ZNF644: variants seen among roughly 807,000 people sequenced by gnomAD.
ZNF644 encodes the protein zinc finger protein 644, also known as zinc finger motif enhancer binding protein 2.
In ZNF644, 20 loss-of-function variants were observed where a neutral mutation model predicts 108.0. The observed-to-expected ratio is 0.19, with a 90% confidence interval of 0.13 to 0.27. ZNF644 has a LOEUF of 0.27. Among genes scored for constraint, ZNF644 ranks in the 10% least tolerant of loss-of-function variants. ZNF644 has a pLI of 1.00. For missense variants in ZNF644, 1,338 were observed against 1,548.9 expected, an observed-to-expected ratio of 0.86 and a Z score of 2.29; for synonymous variants, 542 against 539.1, an observed-to-expected ratio of 1.01 and a Z score of -0.08.
intron 2 of ZNF644, among the ~76,000 whole-genome samples, chr1:90,976,730 A>T (rs1656048450): frequency 6.6e-6 from 1 of 152,168 alleles, no homozygotes. Flanking sequence ...ACCAAGGGTG[A>T]GTTTTAAGAG....
rs368041942 is a variant in ZNF644 at position 91,015,810 on chromosome 1, G to C, written c.-18+6180C>G. 1.8e-4 allele frequency among the ~76,000 whole-genome samples: 28 copies of C among 152,208 alleles called. 1 individual carries two copies. Among genetic ancestry groups the C allele is most frequent in the African/African-American group, 6.7e-4 (28 of 41,542 alleles). On this transcript the variant is annotated intron_variant, in intron 1 of 5. Transcript: ENST00000337393. ...AGTATACAACTGCAAATCACTCACA[G>C]GTGAAAATCTCAAGTTAATGTAGAA...
intron 1 of ZNF644, among the ~76,000 whole-genome samples, chr1:91,005,475 C>A (rs1183683984): frequency 6.6e-6 from 1 of 152,108 alleles, no homozygotes; most frequent in African/African-American, 2.4e-5. Flanking sequence ...ACAGAATACT[C>A]CACCTAACAA....
rs189264101 is a variant in ZNF644, at chr1:90,996,193, A to G, written c.-17-13823T>C. The stretch of plus-strand genomic sequence containing the variant: ...GAATAACAGAAAATATTTGCCAACT[A>G]TATACTTAACAAAAGACTCATATCT... On this transcript the variant is annotated intron_variant, in intron 1 of 5. Transcript: ENST00000337393. Among the ~76,000 whole-genome samples, 187 of 152,364 alleles carry G rather than the reference A, an allele frequency of 1.2e-3. 1 individual carries two copies. Among genetic ancestry groups the G allele is most frequent in the Admixed American group, 1.9e-3 (29 of 15,304 alleles).
At chr1:91,009,699 A>AT (rs558131237) in intron 1 of ZNF644, among the ~76,000 whole-genome samples, 1 of 152,128 alleles carries the variant, frequency 6.6e-6, no homozygotes, top group East Asian at 1.9e-4. Flanking sequence ...TACCTTAAAT[A>AT]TTTTTTACTT....
intron 4 of ZNF644, among the ~76,000 whole-genome samples, chr1:90,928,350 T>C: frequency 8.1e-6 from 1 of 124,120 alleles, no homozygotes. Flanking sequence ...GGAGTTTTGC[T>C]CTTGTTGCCC....
In ZNF644 at chr1:90,939,213, C is replaced by G. The variant is rs777815225; in HGVS notation, c.2141G>C (p.Ser714Thr). 3 of 1,613,812 alleles carry G rather than the reference C, an allele frequency of 1.9e-6. No homozygotes were observed. The highest frequency in any genetic ancestry group is 2.5e-6 in the Non-Finnish European group (3 of 1,179,932). Residue 714 changes from serine to threonine, a missense_variant, in exon 3 of 6, where the codon AGC becomes ACC. By Grantham distance (58) the Ser-to-Thr change is moderately conservative (BLOSUM62 1). Around this residue, in one of 6 missense-constraint regions of ZNF644, gnomAD observed 462 missense variants for 472.6 expected, o/e 0.98. Coordinates refer to ENST00000337393, the MANE Select transcript of ZNF644 (RefSeq NM_201269.3). ...SPHKNVTIKS[S>T]VDQKPKYFHQ... is the part of the protein sequence containing the mutation. ...GAAATACTTAGGTTTTTGGTCAACGCTGCTTTTAATTGTAACATTCTTATG... is the reference window on the plus strand; with the variant it reads ...GAAATACTTAGGTTTTTGGTCAACGGTGCTTTTAATTGTAACATTCTTATG...
rs780824290 is a variant in ZNF644, at chr1:90,940,152, G to A, written c.1202C>T (p.Thr401Ile). The A allele has an allele frequency of 2.5e-6, 4 of 1,613,898 alleles. No homozygotes were observed. The highest frequency in any genetic ancestry group is 2.5e-6 in the Non-Finnish European group (3 of 1,179,952). Residue 401 changes from threonine (T) to isoleucine (I), a missense_variant, in exon 3 of 6, where the codon ACT (threonine) becomes ATT (isoleucine). Coordinates refer to ENST00000337393, the MANE Select transcript of ZNF644 (RefSeq NM_201269.3). ...GAATGATGGCTCTTCGGTACTGAAA[G>A]TAGCAGGTGACTCAGAATCACTCTC... ...CEESDSESPATFSTEEPSFYP... is the reference protein window; with the variant it reads ...CEESDSESPAIFSTEEPSFYP...
chr1:90,929,998 T>C (rs562659329), intron 4 of ZNF644, among the ~76,000 whole-genome samples: 14 of 152,118 alleles, frequency 9.2e-5, no homozygotes, highest in African/African-American at 3.4e-4. Context: ...ATCAAGAAAG[T>C]GTTCTGGGCT....
intron 1 of ZNF644, among the ~76,000 whole-genome samples, chr1:90,987,931 G>A (rs1657269473): frequency 6.6e-6 from 1 of 152,068 alleles, no homozygotes; most frequent in South Asian, 2.1e-4. Flanking sequence ...AGCCATACAT[G>A]AAAAGCCCAC....
intron 2 of ZNF644, among the ~76,000 whole-genome samples, chr1:90,958,016 T>G (rs919306154): frequency 2.0e-5 from 3 of 151,908 alleles, no homozygotes; most frequent in Non-Finnish European, 4.4e-5. Flanking sequence ...AATAAATCCA[T>G]TTGCAATAGC....
At chr1:90,970,508 A>T (rs1655342452) in intron 2 of ZNF644, among the ~76,000 whole-genome samples, 1 of 152,186 alleles carries the variant, frequency 6.6e-6, no homozygotes, top group Middle Eastern at 3.2e-3. Context: ...AATCTAGAGA[A>T]TTTTTAAATA....
intron 2 of ZNF644, among the ~76,000 whole-genome samples, chr1:90,958,862 G>C (rs1654027300): frequency 6.6e-6 from 1 of 152,152 alleles, no homozygotes; most frequent in Non-Finnish European, 1.5e-5. Context: ...AATTTGTAAA[G>C]CTCTCAGAAG....
chr1:91,009,062 C>A (rs897294714), intron 1 of ZNF644, among the ~76,000 whole-genome samples: 1 of 152,086 alleles, frequency 6.6e-6, no homozygotes, highest in Non-Finnish European at 1.5e-5. Context: ...AGTGCGACCC[C>A]ATCTCTACAA....
chr1:90,980,336 C>T (rs1656420945), intron 2 of ZNF644, among the ~76,000 whole-genome samples: 1 of 152,130 alleles, frequency 6.6e-6, no homozygotes, highest in South Asian at 2.1e-4. Context: ...GGGAAAGTGA[C>T]AACATGTACC....
At chr1:90,989,917 T>C (rs1657471680) in intron 1 of ZNF644, among the ~76,000 whole-genome samples, 1 of 152,184 alleles carries the variant, frequency 6.6e-6, no homozygotes, top group Admixed American at 6.5e-5. Flanking sequence ...AGAAACCCAC[T>C]GTCCACCAAT....
intron 4 of ZNF644, among the ~76,000 whole-genome samples, chr1:90,926,094 T>G (rs890131583): frequency 6.6e-6 from 1 of 152,088 alleles, no homozygotes; most frequent in Non-Finnish European, 1.5e-5. Flanking sequence ...ATTGCCTAAC[T>G]CAGAAGCCAG....
intron 1 of ZNF644, among the ~76,000 whole-genome samples, chr1:91,007,727 C>T (rs1002807250): frequency 1.2e-4 from 19 of 152,140 alleles, no homozygotes; most frequent in Non-Finnish European, 2.4e-4. Context: ...CTGGGCACTG[C>T]TTTTTCATAG....
chr1:90,917,026 TTC>T (rs1648845482), intron 5 of ZNF644, 36 bp from the exon 6 acceptor site: 3 of 1,604,658 alleles, frequency 1.9e-6, no homozygotes, highest in East Asian at 4.5e-5. Context: ...ACATGACCAA[TTC>T]TCTTTCTTTA....
intron 1 of ZNF644, among the ~76,000 whole-genome samples, chr1:91,013,337 T>C (rs528316092): frequency 8.0e-4 from 121 of 152,016 alleles, no homozygotes; most frequent in Middle Eastern, 3.4e-3. Flanking sequence ...CAGCCTCCCA[T>C]AGTGCTGGGA....
Sources: gnomAD v4.1 joint callset for allele counts (sites outside exome capture counted in the v4.1 genomes callset) on GRCh38, gnomAD v4.1.1 for gene constraint, gnomAD v4.1.1 regional missense constraint, MANE v1.5 for transcripts, NCBI Gene and HGNC (gene_info 2026-07-23, HGNC 2026-07-21) for gene names.